COL28A1: variants seen among roughly 807,000 people sequenced by gnomAD.
COL28A1 encodes collagen alpha-1(XXVIII) chain.
COL28A1 carries 161 observed loss-of-function variants against 150.2 expected under a neutral mutation model. The observed-to-expected ratio is 1.07, with a 90% CI of 0.94 to 1.22. The LOEUF (loss-of-function observed/expected upper bound fraction) is 1.22. Among genes scored for constraint, COL28A1 ranks in the 50% most tolerant of loss-of-function variants. The probability of loss-of-function intolerance (pLI) is 0.00; values close to 1 mark genes in which losing one functional copy is unlikely to be tolerated. For missense variants in COL28A1, 1,617 were observed against 1,388.3 expected, an observed-to-expected ratio of 1.16 and a Z score of -2.62; for synonymous variants, 552 against 469.7, an observed-to-expected ratio of 1.18 and a Z score of -2.26.
chr7:7,454,068 T>C (rs1786936656), intron 16 of COL28A1, among the ~76,000 whole-genome samples: 1 of 152,202 alleles, frequency 6.6e-6, no homozygotes, highest in South Asian at 2.1e-4. Context: ...GAGGTTTTTA[T>C]ACATGGGTAT....
intron 13 of COL28A1, among the ~76,000 whole-genome samples, chr7:7,488,599 T>A (rs944936770): frequency 6.6e-6 from 1 of 152,190 alleles, no homozygotes; most frequent in East Asian, 1.9e-4. Context: ...TAGTAGAAAT[T>A]TTTTTCTTCT....
At chr7:7,536,556 A>T (rs927025450), upstream of COL28A1, among the ~76,000 whole-genome samples, 1 of 152,084 alleles carries the variant, frequency 6.6e-6, no homozygotes, top group Admixed American at 6.6e-5. Context: ...CCTATTTTCT[A>T]CCTTGTGGTT....
intron 27 of COL28A1, among the ~76,000 whole-genome samples, chr7:7,414,612 A>T (rs1018541106): frequency 2.0e-5 from 3 of 152,228 alleles, no homozygotes; most frequent in Non-Finnish European, 4.4e-5. Flanking sequence ...AGGCCGGGGA[A>T]AGAAGTTCCC....
intron 27 of COL28A1, among the ~76,000 whole-genome samples, chr7:7,415,654 C>T (rs1446366075): frequency 1.3e-5 from 2 of 152,226 alleles, no homozygotes; most frequent in African/African-American, 4.8e-5. Context: ...CTGCCTCAGC[C>T]TCCTGAGTAG....
chr7:7,451,219 T>C (rs976960798), intron 18 of COL28A1, among the ~76,000 whole-genome samples: 16 of 151,970 alleles, frequency 1.1e-4, no homozygotes, highest in African/African-American at 1.7e-4. Context: ...GGTGAGTATA[T>C]TTGAAATACT....
At chr7:7,379,444 C>T (rs1781742187) in intron 30 of COL28A1, among the ~76,000 whole-genome samples, 1 of 152,132 alleles carries the variant, frequency 6.6e-6, no homozygotes, top group South Asian at 2.1e-4. Flanking sequence ...CACCATCATA[C>T]ACCATTTTGT....
chr7:7,368,851 A>G (rs914473600), intron 33 of COL28A1, among the ~76,000 whole-genome samples: 1 of 152,148 alleles, frequency 6.6e-6, no homozygotes, highest in Non-Finnish European at 1.5e-5. Flanking sequence ...ACACTTTCCC[A>G]TTACTCTTCC....
Position 7,443,588 on chromosome 7 carries a change from G to C in COL28A1, c.1647C>G (p.Pro549=). 1 of 1,614,032 alleles carries C rather than the reference G, an allele frequency of 6.2e-7. No homozygotes were observed. The highest frequency in any genetic ancestry group is 8.5e-7 in the Non-Finnish European group (1 of 1,179,990). ...ACCAACACTGTCATTTCCATACCTTGGGGCCAGGCTGTCCTTTTCCAGGTG... is the reference window on the plus strand; with the variant it reads ...ACCAACACTGTCATTTCCATACCTTCGGGCCAGGCTGTCCTTTTCCAGGTG... ...EGPPGKGQPG[P]KGDEGKKGSK... is the part of the protein sequence containing the mutation. Residue 549 remains proline, a synonymous_variant, in exon 20 of 35, where the codon CCC becomes CCG. Transcript: ENST00000399429.
At chr7:7,456,398 G>A (rs1787171777) in intron 15 of COL28A1, among the ~76,000 whole-genome samples, 1 of 152,046 alleles carries the variant, frequency 6.6e-6, no homozygotes, top group Non-Finnish European at 1.5e-5. Flanking sequence ...TAGTTGTTAT[G>A]ACACAAACAT....
At chr7:7,476,146 G>C (rs1788861449) in intron 14 of COL28A1, among the ~76,000 whole-genome samples, 1 of 152,146 alleles carries the variant, frequency 6.6e-6, no homozygotes, top group Non-Finnish European at 1.5e-5. Flanking sequence ...GATGTGGAGG[G>C]TCTCAGACAC....
Position 7,417,920 on chromosome 7 carries a change from G to A in COL28A1, c.2075C>T (p.Thr692Ile), listed in dbSNP as rs374558020. Residue 692 changes from threonine (T) to isoleucine (I), a missense_variant, in exon 27 of 35, where the codon ACT becomes ATT. Coordinates refer to ENST00000399429, the MANE Select transcript of COL28A1 (RefSeq NM_001037763.3). Reference sequence around the variant, plus strand: ...AGGGCCAGGCAAGCCTTTCTGCCCAGTATCACCCTGTTAGAAGATGGGGAG... The same window carrying A: ...AGGGCCAGGCAAGCCTTTCTGCCCAATATCACCCTGTTAGAAGATGGGGAG... ...GVGTQGPKGD[T>I]GQKGLPGPPG... 1.9e-6 allele frequency: 3 copies of A among 1,607,904 alleles called. No homozygotes were observed. In the South Asian group the frequency reaches 3.3e-5, roughly 18 times the overall value.
intron 13 of COL28A1, among the ~76,000 whole-genome samples, chr7:7,485,774 G>C (rs77434884): frequency 0.098 from 14,829 of 151,056 alleles, 884 homozygotes; most frequent in Middle Eastern, 0.2. Flanking sequence ...ACTTGTGTAG[G>C]TCTGAATCTG....
At chr7:7,339,142 T>C in the COL28A1 span, among the ~76,000 whole-genome samples, 1 of 152,182 alleles carries the variant, frequency 6.6e-6, no homozygotes, top group East Asian at 1.9e-4. Context: ...TGCTGATTGT[T>C]TTAAACCACT....
chr7:7,386,512 GGAGACACAGGCTTGGAA>G, intron 27 of COL28A1, among the ~76,000 whole-genome samples: 1 of 152,316 alleles, frequency 6.6e-6, no homozygotes, highest in East Asian at 1.9e-4. Flanking sequence ...GATCCTTCAA[GGAGACACAGGCTTGGAA>G]ATTCACCTAC....
In COL28A1 at chr7:7,358,722, A is replaced by T. The variant is rs1486440430; in HGVS notation, c.3289T>A (p.Cys1097Ser). 6.2e-7 allele frequency: 1 copy of T among 1,613,974 alleles called. No homozygotes were observed. The highest frequency in any genetic ancestry group is 8.5e-7 in the Non-Finnish European group (1 of 1,179,976). Reference sequence around the variant, plus strand: ...CAGCCACTGAACCAAAATCGGGCACAAGAGTTGACCTGTTTGTCATAATAC... The same window carrying T: ...CAGCCACTGAACCAAAATCGGGCACTAGAGTTGACCTGTTTGTCATAATAC... ...RWYYDKQVNS[C>S]ARFWFSGCNG... The change falls in exon 35 of 35, where the codon TGT becomes AGT. Residue 1097 changes from cysteine to serine, a missense_variant. By Grantham distance (112) the Cys-to-Ser change is moderately radical (BLOSUM62 -1). Coordinates refer to ENST00000399429, the MANE Select transcript of COL28A1 (RefSeq NM_001037763.3).
At chr7:7,392,922 T>C (rs571342989) in intron 27 of COL28A1, among the ~76,000 whole-genome samples, 2 of 152,314 alleles carry the variant, frequency 1.3e-5, no homozygotes, top group African/African-American at 2.4e-5. Context: ...GGTTACAACA[T>C]GCTCCTTTAG....
At chr7:7,432,445 T>C (rs11972066) in intron 25 of COL28A1, 28 bp downstream of exon 25, 18,673 of 1,602,262 alleles carry the variant, frequency 0.012, 477 homozygotes, top group African/African-American at 0.11. Context: ...TCTTAGAAGC[T>C]AGTACGTTGC....
chr7:7,358,576 AAT>A lies in COL28A1; in HGVS notation c.*55_*56del. 2.7e-6 allele frequency: 4 copies of A among 1,495,524 alleles called. No individual in the cohort carries two copies. Among genetic ancestry groups the A allele is most frequent in the Non-Finnish European group, 2.8e-6 (3 of 1,080,204 alleles). The allele number at this position is 1,495,524 out of a possible 1,614,324, so 92.6% of individuals were successfully genotyped here. On this transcript the variant is annotated 3_prime_UTR_variant, in exon 35 of 35. Transcript: ENST00000399429. ...TATAGTGCTGTATTTGTATTGGGTG[AAT>A]ATGTGGAAATTAGGGAGTTCTATGC...
At chr7:7,537,319 G>A (rs1449187195), upstream of COL28A1, among the ~76,000 whole-genome samples, 1 of 152,188 alleles carries the variant, frequency 6.6e-6, no homozygotes, top group Non-Finnish European at 1.5e-5. Flanking sequence ...GCTTTGGGAT[G>A]TGGGAGGAAA....
Sources: allele counts gnomAD v4.1 joint callset (sites outside exome capture counted in the v4.1 genomes callset), GRCh38; gene constraint gnomAD v4.1.1; transcripts MANE v1.5; gene names NCBI Gene and HGNC (gene_info 2026-07-23, HGNC 2026-07-21).